Variants in SPATA6L observed in about 807,000 individuals in gnomAD.
SPATA6L encodes spermatogenesis associated 6-like protein.
In SPATA6L, 68 loss-of-function variants were observed where a neutral mutation model predicts 49.2. The ratio of observed to expected loss-of-function variants is 1.38; its 90% CI spans 1.14 to 1.69. The LOEUF is 1.69. Among genes scored for constraint, SPATA6L ranks in the 40% most tolerant of loss-of-function variants. The pLI, the probability that SPATA6L is intolerant of heterozygous loss-of-function variation, is 0.00. For synonymous variants in SPATA6L, 198 were observed against 165.7 expected (o/e 1.19, Z -1.50); for missense variants, 668 against 464.3 (o/e 1.44, Z -4.03).
At chr9:4,616,269 C>T (rs898594238) in intron 9 of SPATA6L, among the ~76,000 whole-genome samples, 1 of 151,424 alleles carries the variant, frequency 6.6e-6, no homozygotes, top group African/African-American at 2.4e-5. Flanking sequence ...AAAGCAAGAC[C>T]CCATCTCGAA....
intron 9 of SPATA6L, among the ~76,000 whole-genome samples, chr9:4,612,107 T>G (rs1434332293): frequency 6.6e-6 from 1 of 152,018 alleles, no homozygotes; most frequent in African/African-American, 2.4e-5. Flanking sequence ...CCCAAAGAGC[T>G]GGGACTACAG....
At chr9:4,614,615 A>C (rs1827540693) in intron 9 of SPATA6L, among the ~76,000 whole-genome samples, 1 of 152,200 alleles carries the variant, frequency 6.6e-6, no homozygotes, top group Non-Finnish European at 1.5e-5. Context: ...TATTATCTTC[A>C]GAGCCACTTC....
chr9:4,657,981 A>G (rs886638571), intron 2 of SPATA6L, among the ~76,000 whole-genome samples: 32 of 152,268 alleles, frequency 2.1e-4, no homozygotes, highest in Non-Finnish European at 3.2e-4. Flanking sequence ...GTACACACAC[A>G]GAGTGAATGC....
chr9:4,656,506 G>A (rs73395728), intron 2 of SPATA6L, among the ~76,000 whole-genome samples: 20 of 123,626 alleles, frequency 1.6e-4, no homozygotes, highest in African/African-American at 7.8e-4. Flanking sequence ...GGAAGGAAGG[G>A]AGGAGCCGTA....
At chr9:4,613,628 T>G (rs1375658971) in intron 9 of SPATA6L, among the ~76,000 whole-genome samples, 6 of 152,044 alleles carry the variant, frequency 3.9e-5, no homozygotes, top group Non-Finnish European at 8.8e-5. Flanking sequence ...CTGTTGCCCA[T>G]GCTGGAGTGC....
intron 2 of SPATA6L, among the ~76,000 whole-genome samples, chr9:4,659,027 G>C (rs1440925784): frequency 6.6e-6 from 1 of 151,878 alleles, no homozygotes; most frequent in Non-Finnish European, 1.5e-5. Flanking sequence ...TTGGGATGGG[G>C]GAAAGACTGC....
chr9:4,635,315 C>T lies in SPATA6L; in HGVS notation c.311G>A (p.Arg104Lys). ...EPKLTPSHPR[R>K]CREVLMKTAL... is the part of the protein sequence containing the mutation. ...CGTCTTCATGAGCACCTCCCTACAC[C>T]TCCTAGGGTGCGAAGGTGTCAGCTT... is the stretch of plus-strand genomic sequence containing the variant. Residue 104 changes from arginine (R) to lysine (K), a missense_variant, in exon 4 of 12, where the codon AGG becomes AAG. Arg to Lys is a conservative substitution (Grantham distance 26). Coordinates refer to ENST00000682582, the MANE Select transcript of SPATA6L (RefSeq NM_001353486.2). The T allele has an allele frequency of 6.3e-7, 1 of 1,585,674 alleles. No individual in the cohort carries two copies. The highest frequency in any genetic ancestry group is 8.5e-7 in the Non-Finnish European group (1 of 1,170,204).
intron 3 of SPATA6L, among the ~76,000 whole-genome samples, chr9:4,654,752 G>A (rs1837720166): frequency 6.6e-6 from 1 of 152,170 alleles, no homozygotes; most frequent in African/African-American, 2.4e-5. Flanking sequence ...CAGTGCCAAT[G>A]TACTCCTCTC....
chr9:4,635,449 C>A, intron 3 of SPATA6L, 50 bp from the exon 4 acceptor site: 1 of 1,532,574 alleles, frequency 6.5e-7, no homozygotes. Flanking sequence ...CACCTCCAGG[C>A]TTAACAAAAT....
At chr9:4,635,234 T>G in intron 4 of SPATA6L, 41 bp downstream of exon 4, 1 of 1,471,136 alleles carries the variant, frequency 6.8e-7, no homozygotes, top group Non-Finnish European at 8.9e-7. Context: ...TCCCAAGAGT[T>G]TCTCTCCTAA....
chr9:4,605,114 T>A (rs1160936671), intron 10 of SPATA6L, among the ~76,000 whole-genome samples: 2 of 152,094 alleles, frequency 1.3e-5, no homozygotes, highest in African/African-American at 4.8e-5. Context: ...TACTCCTCCG[T>A]TGGATCCAAG....
At chr9:4,624,028 T>A (rs949323665) in intron 6 of SPATA6L, among the ~76,000 whole-genome samples, 1 of 152,220 alleles carries the variant, frequency 6.6e-6, no homozygotes, top group African/African-American at 2.4e-5. Context: ...TACATACAGT[T>A]ATCTCAACAG....
intron 9 of SPATA6L, among the ~76,000 whole-genome samples, chr9:4,606,990 G>T: frequency 6.7e-6 from 1 of 148,314 alleles, no homozygotes. Flanking sequence ...AGAACTACGT[G>T]AAGAATGCAG....
At chr9:4,622,003 CA>C (rs1462058676) in intron 7 of SPATA6L, among the ~76,000 whole-genome samples, 12 of 152,212 alleles carry the variant, frequency 7.9e-5, no homozygotes, top group South Asian at 2.1e-4. Context: ...TCTTGTAAAG[CA>C]AATGTTACAT....
intron 3 of SPATA6L, among the ~76,000 whole-genome samples, chr9:4,644,099 C>T (rs987903228): frequency 1.4e-5 from 2 of 145,762 alleles, no homozygotes; most frequent in African/African-American, 5.0e-5. Flanking sequence ...ATAAACCCAG[C>T]ACTTTGGGTG....
downstream of SPATA6L, among the ~76,000 whole-genome samples, chr9:4,595,087 A>G (rs301444): frequency 0.09 from 13,733 of 152,194 alleles, 2,080 homozygotes; most frequent in African/African-American, 0.31. Flanking sequence ...ATATGAATCC[A>G]CAAAATGAAG....
chr9:4,666,449 T>C lies in SPATA6L; in HGVS notation c.-199A>G. 3 of 595,032 alleles carry C rather than the reference T, an allele frequency of 5.0e-6. No individual in the cohort carries two copies. The South Asian group carries it at 6.1e-5, about 12-fold the overall frequency. The allele number at this position is 595,032 out of a possible 1,614,324, so 36.9% of individuals were successfully genotyped here. A position where few individuals can be genotyped will look rare whatever the true frequency, so the allele number is the denominator to read the frequency against. ...GGGTCTCTCACACTCGAAGCTGGAG[T>C]GCAGGCTTCCAGAAGGCGGAAGCGT... On this transcript the variant is annotated 5_prime_UTR_variant, in exon 1 of 12. Transcript: ENST00000682582.
chr9:4,617,181 C>T (rs562330473), intron 9 of SPATA6L, among the ~76,000 whole-genome samples: 224 of 152,192 alleles, frequency 1.5e-3, no homozygotes, highest in African/African-American at 5.8e-4. Flanking sequence ...TATTTTGGTA[C>T]GTGGAGTTTG....
Position 4,661,294 on chromosome 9 carries a change from T to G in SPATA6L, c.177+605A>C, listed in dbSNP as rs1839666629. ...AACAAAAATGTTAAGAGATTGTCAG[T>G]GATGACATAGTAATAACATCAATAT... On this transcript the variant is annotated intron_variant, in intron 2 of 11. Transcript: ENST00000682582. Among the ~76,000 whole-genome samples, 3 of 152,202 alleles carry G rather than the reference T, an allele frequency of 2.0e-5. No homozygotes were observed. The South Asian group carries it at 6.2e-4, about 32-fold the overall frequency.
Sources: allele counts gnomAD v4.1 joint callset (sites outside exome capture counted in the v4.1 genomes callset), GRCh38; gene constraint gnomAD v4.1.1; transcripts MANE v1.5; gene names NCBI Gene and HGNC (gene_info 2026-07-23, HGNC 2026-07-21).